The following PRH1 variants were observed in gnomAD, a reference collection of about 807,000 sequenced individuals.
PRH1 encodes salivary acidic proline-rich phosphoprotein 1/2.
A neutral mutation model predicts 7.9 loss-of-function variants in PRH1; 7 were observed. The ratio of observed to expected loss-of-function variants is 0.89; its 90% CI spans 0.50 to 1.67. PRH1 has a LOEUF of 1.67. Ranked by LOEUF, PRH1 falls within the 40% of genes most tolerant of loss-of-function variation. PRH1 has a pLI of 0.00. For synonymous variants in PRH1, 45 were observed against 80.8 expected, an observed-to-expected ratio of 0.56 and a Z score of 2.38; for missense variants, 109 against 223.6, an observed-to-expected ratio of 0.49 and a Z score of 3.27.
intron 1 of PRH1, 139 bp from the exon 2 acceptor site, chr12:10,883,235 C>A (rs1348697690): frequency 4.0e-6 from 4 of 995,046 alleles, no homozygotes; most frequent in Non-Finnish European, 6.1e-6. Flanking sequence ...TCTGATGCTA[C>A]TGGAAGTGGA....
At chr12:10,883,253 G>A (rs1949437172) in intron 1 of PRH1, among the ~76,000 whole-genome samples, 157 bp from the exon 2 acceptor site, 1 of 152,164 alleles carries the variant, frequency 6.6e-6, no homozygotes, top group Non-Finnish European at 1.5e-5. Context: ...GGAAGAAGAT[G>A]TAAGGGAAAG....
intron 1 of PRH1, among the ~76,000 whole-genome samples, chr12:11,043,838 T>G (rs1331674546): frequency 6.6e-6 from 1 of 152,078 alleles, no homozygotes; most frequent in African/African-American, 2.4e-5. Flanking sequence ...GGATTAGAAG[T>G]ATCAACATTG....
chr12:11,109,972 T>C (rs1455221943), intron 1 of PRH1, among the ~76,000 whole-genome samples: 1 of 151,938 alleles, frequency 6.6e-6, no homozygotes, highest in Non-Finnish European at 1.5e-5. Context: ...GAAAAGAACA[T>C]AAATGACCTG....
intron 1 of PRH1, chr12:11,078,791 C>G (rs1186294390): frequency 1.3e-5 from 2 of 151,974 alleles, no homozygotes; most frequent in Non-Finnish European, 2.9e-5. Flanking sequence ...GATTCTAAAC[C>G]TTTTATCAGA....
chr12:10,965,865 T>C (rs1029614959), intron 2 of PRH1, among the ~76,000 whole-genome samples: 1 of 152,208 alleles, frequency 6.6e-6, no homozygotes, highest in African/African-American at 2.4e-5. Context: ...TAGATTTAAA[T>C]AGACAAAATC....
At chr12:11,032,941 G>C (rs1942290257) in intron 1 of PRH1, among the ~76,000 whole-genome samples, 1 of 152,190 alleles carries the variant, frequency 6.6e-6, no homozygotes, top group South Asian at 2.1e-4. Context: ...ATAAGAGTAT[G>C]GCCTATCTAG....
chr12:11,152,658 A>G (rs1318650004), intron 1 of PRH1, among the ~76,000 whole-genome samples: 1 of 152,188 alleles, frequency 6.6e-6, no homozygotes, highest in East Asian at 1.9e-4. Context: ...TCCCTTTAAT[A>G]GTATTACTCA....
At chr12:10,938,888 T>A (rs769183561) in intron 2 of PRH1, 67 of 1,613,642 alleles carry the variant, frequency 4.2e-5, no homozygotes, top group Non-Finnish European at 5.2e-5. Context: ...CTTGAGAAAA[T>A]AAAAAGTACC....
At chr12:10,965,632 A>G (rs1406797808) in intron 2 of PRH1, among the ~76,000 whole-genome samples, 1 of 152,230 alleles carries the variant, frequency 6.6e-6, no homozygotes, top group African/African-American at 2.4e-5. Flanking sequence ...TAGATACTGA[A>G]GTAGAAGTGA....
rs77738437 is a variant in PRH1 at position 10,926,761 on chromosome 12, G to A, written c.-58-42486C>T. Among the ~76,000 whole-genome samples, 868 of 152,288 alleles carry A rather than the reference G, an allele frequency of 5.7e-3. 5 individuals are homozygous for A. The highest frequency in any genetic ancestry group is 0.012 in the Admixed American group (186 of 15,294). On this transcript the variant is annotated intron_variant, in intron 2 of 3. Transcript: ENST00000539853. ...GATAAGCTAATGGGTAGTGCCTGGA[G>A]GGAGTGAGGATTTTTGAACCACTAG...
In PRH1 at chr12:11,032,206, C is replaced by T. The variant is rs553858165; in HGVS notation, c.-126+14814G>A. Among the ~76,000 whole-genome samples, 16 of 152,284 alleles carry T rather than the reference C, an allele frequency of 1.1e-4. No homozygotes were observed. In the East Asian group the frequency reaches 3.1e-3, roughly 29 times the overall value. ...GTGTTTGCAATTTTTCCTTGTGTAA[C>T]CTCTCCATCATTTATCTTTAGTGAC... is the stretch of plus-strand genomic sequence containing the variant. On this transcript the variant is annotated intron_variant, in intron 1 of 3. Coordinates refer to the PRH1 transcript ENST00000539853.
chr12:11,112,867 T>G (rs1388491274), intron 1 of PRH1, among the ~76,000 whole-genome samples: 3 of 152,196 alleles, frequency 2.0e-5, no homozygotes, highest in African/African-American at 7.2e-5. Context: ...ACTGTCTCTG[T>G]TTGCAGATGA....
intron 1 of PRH1, among the ~76,000 whole-genome samples, chr12:11,086,940 G>A (rs888785149): frequency 2.9e-5 from 2 of 68,552 alleles, no homozygotes; most frequent in African/African-American, 7.9e-5. Flanking sequence ...AACAAAGGGC[G>A]ATGAAAATAC....
At chr12:11,019,895 G>C (rs550946939) in intron 1 of PRH1, among the ~76,000 whole-genome samples, 6 of 152,410 alleles carry the variant, frequency 3.9e-5, no homozygotes, top group Non-Finnish European at 7.3e-5. Context: ...GCCCCGAGCA[G>C]CTGGCACTCA....
rs1438239527 is a variant in PRH1 at position 11,106,136 on chromosome 12, T to G, written n.124-58948A>C. Among the ~76,000 whole-genome samples the G allele has an allele frequency of 3.4e-5, 2 of 59,024 alleles. 1 individual carries two copies. The highest frequency in any genetic ancestry group is 9.2e-5 in the Non-Finnish European group (2 of 21,774). 38.7% of individuals were successfully genotyped at this position (59,024 alleles called of 152,430 possible). A position where few individuals can be genotyped will look rare whatever the true frequency, so the allele number is the denominator to read the frequency against. On this transcript the variant is annotated intron_variant and non_coding_transcript_variant, in intron 1 of 4. Transcript: ENST00000541977. Reference sequence around the variant, plus strand: ...TTTGTATTTTTAGTAGAGACGGGGTTTCACCGTGTTAGCCAGGATGGTCTC... The same window carrying G: ...TTTGTATTTTTAGTAGAGACGGGGTGTCACCGTGTTAGCCAGGATGGTCTC...
chr12:10,931,404 A>C (rs1156681433), intron 2 of PRH1, among the ~76,000 whole-genome samples: 2 of 152,126 alleles, frequency 1.3e-5, no homozygotes, highest in African/African-American at 4.8e-5. Context: ...TTAAAGTTTT[A>C]CCTGAACACT....
intron 1 of PRH1, among the ~76,000 whole-genome samples, chr12:11,005,469 T>A (rs754376289): frequency 6.6e-6 from 1 of 152,154 alleles, no homozygotes; most frequent in Non-Finnish European, 1.5e-5. Flanking sequence ...CCACTGTGGA[T>A]TGATTTTTTA....
intron 2 of PRH1, among the ~76,000 whole-genome samples, chr12:10,958,624 A>G (rs1296675753): frequency 6.6e-6 from 1 of 152,226 alleles, no homozygotes; most frequent in African/African-American, 2.4e-5. Flanking sequence ...GTAGTATTGG[A>G]GGCCTCAATG....
chr12:11,159,778 TTCTA>T (rs1418964145), intron 1 of PRH1: 4 of 152,214 alleles, frequency 2.6e-5, no homozygotes, highest in Non-Finnish European at 2.9e-5. Flanking sequence ...TTATGATGCT[TTCTA>T]TCTATGTTTT....
Sources: allele counts gnomAD v4.1 joint callset (sites outside exome capture counted in the v4.1 genomes callset), GRCh38; gene constraint gnomAD v4.1.1; transcripts MANE v1.5; gene names NCBI Gene and HGNC (gene_info 2026-07-23, HGNC 2026-07-21).